Variants in SESN1 observed in about 807,000 individuals in gnomAD.
The protein encoded by SESN1 is sestrin-1.
A neutral mutation model predicts 59.3 loss-of-function variants in SESN1; 30 were observed. The ratio of observed to expected loss-of-function variants is 0.51; its 90% CI spans 0.38 to 0.69. SESN1 has a LOEUF of 0.69. SESN1 is among the 30% of genes least tolerant of loss of function. The pLI, the probability that SESN1 is intolerant of heterozygous loss-of-function variation, is 0.00. For missense variants in SESN1, 566 were observed against 673.0 expected, an observed-to-expected ratio of 0.84 and a Z score of 1.76; for synonymous variants, 197 against 219.9, an observed-to-expected ratio of 0.90 and a Z score of 0.92.
At position 109,062,876 on chromosome 6, in the gene SESN1, T is replaced by C. The variant is rs184204185; in HGVS notation, c.279+30919A>G. Among the ~76,000 whole-genome samples the C allele has an allele frequency of 1.4e-4, 21 of 152,304 alleles. No individual in the cohort carries two copies. The East Asian group carries it at 3.7e-3, about 27-fold the overall frequency. On this transcript the variant is annotated intron_variant, in intron 1 of 9. Coordinates refer to ENST00000436639, the MANE Select transcript of SESN1 (RefSeq NM_014454.3). ...TATACTATAATAAAGATTATGTGAA[T>C]GTGGTCTCTCTCTCTCTCAAAATAC...
In SESN1 at chr6:109,093,874, G is replaced by A. The variant is rs1349758122; in HGVS notation, c.200C>T (p.Ala67Val). The change falls in exon 1 of 10, where the codon GCT becomes GTT. Residue 67 changes from alanine to valine, a missense_variant. Coordinates refer to ENST00000436639, the MANE Select transcript of SESN1 (RefSeq NM_014454.3). ...CCTCTTAGAAAGCATAAGCAGATGA[G>A]CAAGTAGCTTATTCAACCCATCCGA... is the stretch of plus-strand genomic sequence containing the variant. ...ESSDGLNKLL[A>V]HLLMLSKRCP... is the part of the protein sequence containing the mutation. The A allele has an allele frequency of 4.3e-6, 7 of 1,614,172 alleles. No individual in the cohort carries two copies. Among genetic ancestry groups the A allele is most frequent in the Non-Finnish European group, 4.2e-6 (5 of 1,180,010 alleles).
At chr6:109,028,987 TAGTCTA>T (rs1332825630) in intron 1 of SESN1, among the ~76,000 whole-genome samples, 1 of 152,230 alleles carries the variant, frequency 6.6e-6, no homozygotes, top group Non-Finnish European at 1.5e-5. Context: ...CATAGAGATT[TAGTCTA>T]AATTGTTCAC....
At chr6:109,033,672 C>T (rs1443745324) in intron 1 of SESN1, among the ~76,000 whole-genome samples, 3 of 152,028 alleles carry the variant, frequency 2.0e-5, no homozygotes, top group Non-Finnish European at 4.4e-5. Flanking sequence ...ATGGGAGGGG[C>T]CATAATTCAT....
intron 1 of SESN1, among the ~76,000 whole-genome samples, chr6:109,083,462 C>T (rs989403963): frequency 5.3e-5 from 8 of 152,112 alleles, no homozygotes; most frequent in Admixed American, 3.9e-4. Flanking sequence ...CACACACATA[C>T]ACAAATCTAA....
At chr6:109,075,353 C>T (rs965825026) in intron 1 of SESN1, among the ~76,000 whole-genome samples, 3 of 152,150 alleles carry the variant, frequency 2.0e-5, no homozygotes, top group Admixed American at 6.5e-5. Flanking sequence ...ATGGACTAAA[C>T]CTAGTTGGCT....
chr6:109,022,599 A>G (rs568817486), intron 1 of SESN1, among the ~76,000 whole-genome samples: 41 of 151,610 alleles, frequency 2.7e-4, no homozygotes, highest in South Asian at 2.1e-3. Flanking sequence ...TTATTTTTTA[A>G]GTAGAGACAG....
intron 1 of SESN1, among the ~76,000 whole-genome samples, chr6:109,089,685 G>C (rs1029221081): frequency 4.6e-5 from 7 of 152,102 alleles, no homozygotes; most frequent in Admixed American, 3.3e-4. Flanking sequence ...AATTCACCAA[G>C]TACCTCAAGC....
At chr6:109,029,785 G>C in intron 1 of SESN1, among the ~76,000 whole-genome samples, 1 of 152,030 alleles carries the variant, frequency 6.6e-6, no homozygotes, top group Non-Finnish European at 1.5e-5. Flanking sequence ...TCCCACTTTG[G>C]CCTCCCAAAG....
chr6:109,087,064 G>C (rs988023217), intron 1 of SESN1, among the ~76,000 whole-genome samples: 1 of 152,208 alleles, frequency 6.6e-6, no homozygotes, highest in Admixed American at 6.5e-5. Context: ...CCGGGAGGCA[G>C]AGGTTGCAGT....
intron 1 of SESN1, among the ~76,000 whole-genome samples, chr6:109,093,271 A>G (rs1562479707): frequency 6.6e-6 from 1 of 152,224 alleles, no homozygotes. Flanking sequence ...CCTTTTCAAC[A>G]TGAAGATATT....
intron 1 of SESN1, among the ~76,000 whole-genome samples, chr6:109,029,973 A>T (rs1780155682): frequency 1.3e-5 from 2 of 152,348 alleles, no homozygotes; most frequent in South Asian, 4.1e-4. Flanking sequence ...CATGACAGAT[A>T]ACATAAGGTC....
Position 108,986,837 on chromosome 6 carries a change from A to G in SESN1, c.*707T>C, listed in dbSNP as rs1779212009. On this transcript the variant is annotated 3_prime_UTR_variant, in exon 10 of 10. Transcript: ENST00000436639. ...ATCGCCAGCTTCTTATAATTTACAC[A>G]CTTTCATTTAGGATTGCTTTTTGAA... 1.3e-5 allele frequency: 2 copies of G among 152,210 alleles called. No individual in the cohort carries two copies. The highest frequency in any genetic ancestry group is 4.1e-4 in the South Asian group (2 of 4,836). 9.4% of individuals were successfully genotyped at this position (152,210 alleles called of 1,614,324 possible).
intron 1 of SESN1, among the ~76,000 whole-genome samples, chr6:109,015,184 G>A (rs1230454331): frequency 6.6e-6 from 1 of 152,144 alleles, no homozygotes; most frequent in African/African-American, 2.4e-5. Context: ...AGGCAGGCAG[G>A]CTGACTCTGT....
chr6:109,044,699 C>G (rs1780396569), intron 1 of SESN1, among the ~76,000 whole-genome samples: 1 of 152,172 alleles, frequency 6.6e-6, no homozygotes, highest in Admixed American at 6.5e-5. Context: ...TGATGTCACA[C>G]AGACATCTCG....
intron 6 of SESN1, 112 bp from the exon 7 acceptor site, chr6:108,993,011 A>C: frequency 1.5e-6 from 1 of 654,344 alleles, no homozygotes; most frequent in Non-Finnish European, 2.7e-6. Context: ...AGTGACCAAT[A>C]TCAACCAAAG....
In SESN1 at chr6:108,998,414, T is replaced by C. The variant is rs1342779114; in HGVS notation, c.972+99A>G. 3.4e-6 allele frequency: 5 copies of C among 1,450,040 alleles called. No individual in the cohort carries two copies. The African/African-American group carries it at 7.0e-5, about 20-fold the overall frequency. The allele number at this position is 1,450,040 out of a possible 1,614,324, so 89.8% of individuals were successfully genotyped here. On this transcript the variant is annotated intron_variant, in intron 5 of 9. Transcript: ENST00000436639. The stretch of plus-strand genomic sequence containing the variant: ...ATAGGGGCCCAATATCTCCACAGTC[T>C]TAACAGGGTGGGTTTTTCTAAGAAG...
chr6:109,025,886 C>T (rs1780084909), intron 1 of SESN1, among the ~76,000 whole-genome samples: 1 of 148,566 alleles, frequency 6.7e-6, no homozygotes, highest in Admixed American at 6.7e-5. Context: ...AAGAATAGGA[C>T]AAAGGTAATA....
intron 1 of SESN1, among the ~76,000 whole-genome samples, chr6:109,039,154 G>GAGAAGGA (rs1562465916): frequency 3.3e-5 from 5 of 151,116 alleles, no homozygotes; most frequent in African/African-American, 4.9e-5. Context: ...GAGAAGGAAG[G>GAGAAGGA]AGGAGGAGGA....
chr6:108,989,336 C>T (rs949853531), intron 8 of SESN1, among the ~76,000 whole-genome samples: 11 of 151,952 alleles, frequency 7.2e-5, no homozygotes, highest in Middle Eastern at 3.4e-3. Flanking sequence ...TGAGTATTAT[C>T]GAAATTAAGA....
Sources: gnomAD v4.1 joint callset for allele counts (sites outside exome capture counted in the v4.1 genomes callset) on GRCh38, gnomAD v4.1.1 for gene constraint, MANE v1.5 for transcripts, NCBI Gene and HGNC (gene_info 2026-07-23, HGNC 2026-07-21) for gene names.